Variants in ATXN2 observed in about 807,000 individuals in gnomAD.
ATXN2 encodes ataxin 2, also known as ataxin-2.
Under a neutral mutation model 138.6 loss-of-function variants are expected in ATXN2, and 37 were observed. The observed-to-expected ratio is 0.27, with a 90% CI of 0.21 to 0.35. The LOEUF is 0.35. Ranked by LOEUF, ATXN2 falls within the 10% of genes least tolerant of loss-of-function variation. The pLI is 1.00. For missense variants in ATXN2, 1,216 were observed against 1,480.3 expected (o/e 0.82, Z 2.93); for synonymous variants, 549 against 543.7 (o/e 1.01, Z -0.13).
At chr12:111,483,194 T>TACACACATACACAC in intron 18 of ATXN2, among the ~76,000 whole-genome samples, 1 of 95,432 alleles carries the variant, frequency 1.0e-5, no homozygotes, top group African/African-American at 5.3e-5. Flanking sequence ...ATCAAACACA[T>TACACACATACACAC]ACACACACAC....
At chr12:111,546,945 A>G (rs550413171) in intron 5 of ATXN2, among the ~76,000 whole-genome samples, 1 of 152,370 alleles carries the variant, frequency 6.6e-6, no homozygotes, top group Admixed American at 6.5e-5. Context: ...GTTTCTCAGT[A>G]AATCAAACTG....
At chr12:111,573,200 ATTTATTTT>A (rs1485180647) in intron 1 of ATXN2, among the ~76,000 whole-genome samples, 1 of 151,714 alleles carries the variant, frequency 6.6e-6, no homozygotes, top group African/African-American at 2.4e-5. Flanking sequence ...TTATTTATTT[ATTTATTTT>A]TTGAGACGGA....
chr12:111,575,993 A>C (rs1264818986), intron 1 of ATXN2, among the ~76,000 whole-genome samples: 2 of 152,062 alleles, frequency 1.3e-5, no homozygotes, highest in Admixed American at 1.3e-4. Context: ...AAGACAGGAG[A>C]ATCACTTGAA....
At chr12:111,504,805 C>A (rs1205281968) in intron 14 of ATXN2, among the ~76,000 whole-genome samples, 1 of 152,010 alleles carries the variant, frequency 6.6e-6, no homozygotes, top group Admixed American at 6.6e-5. Context: ...TCTCCTATGA[C>A]CTTTTTTAAT....
intron 1 of ATXN2, among the ~76,000 whole-genome samples, chr12:111,580,905 G>A (rs1217762667): frequency 6.6e-6 from 1 of 152,008 alleles, no homozygotes; most frequent in Non-Finnish European, 1.5e-5. Context: ...CTGGGAGGCC[G>A]AGGCAGGTGG....
At position 111,568,652 on chromosome 12, in the gene ATXN2, A is replaced by T. The variant is rs114882085; in HGVS notation, c.252-12733T>A. Among the ~76,000 whole-genome samples, 1,089 of 152,272 alleles carry T rather than the reference A, an allele frequency of 7.2e-3. 13 individuals are homozygous for T. The highest frequency in any genetic ancestry group is 0.025 in the African/African-American group (1,050 of 41,556). ...CCCCTTTCTTGTTAGTTACCAACTT[A>T]AATGTCACCTCCTGAAAGAAGCCTT... On this transcript the variant is annotated intron_variant, in intron 1 of 24. Coordinates refer to ENST00000673436, the MANE Select transcript of ATXN2 (RefSeq NM_001372574.1).
At position 111,584,377 on chromosome 12, in the gene ATXN2, CAAAAAAAAAAAAA is replaced by C. The variant is rs58678794; in HGVS notation, c.251+14394_251+14406del. 1.1e-3 allele frequency among the ~76,000 whole-genome samples: 48 copies of C among 44,750 alleles called. 1 individual carries two copies. Among genetic ancestry groups the C allele is most frequent in the South Asian group, 4.0e-3 (3 of 750 alleles). The allele number at this position is 44,750 out of a possible 152,430, so 29.4% of individuals were successfully genotyped here. A position where few individuals can be genotyped will look rare whatever the true frequency, so the allele number is the denominator to read the frequency against. Reference sequence around the variant, plus strand: ...AGCCTTGGTGACAGAGACCCTGTCTCAAAAAAAAAAAAAAAAAAAAAAAAAAAAAAAAAATTCA... The same window carrying C: ...AGCCTTGGTGACAGAGACCCTGTCTCAAAAAAAAAAAAAAAAAAAAATTCA... On this transcript the variant is annotated intron_variant, in intron 1 of 24. Coordinates refer to ENST00000673436, the MANE Select transcript of ATXN2 (RefSeq NM_001372574.1).
At chr12:111,556,317 A>C (rs1409144041) in intron 1 of ATXN2, among the ~76,000 whole-genome samples, 1 of 152,116 alleles carries the variant, frequency 6.6e-6, no homozygotes, top group Non-Finnish European at 1.5e-5. Context: ...CTGAGGCTGC[A>C]GTAGGCTACG....
chr12:111,461,383 T>C (rs1037713965), intron 21 of ATXN2: 2 of 151,844 alleles, frequency 1.3e-5, no homozygotes, highest in Non-Finnish European at 2.9e-5. Context: ...GGAAGGAGAA[T>C]AGCTTGAACC....
chr12:111,570,497 T>C (rs545741532), intron 1 of ATXN2, among the ~76,000 whole-genome samples: 23 of 152,336 alleles, frequency 1.5e-4, no homozygotes, highest in Middle Eastern at 6.8e-3. Flanking sequence ...ATGTGTTTCC[T>C]TACTTTCAGT....
At chr12:111,525,159 G>T in intron 6 of ATXN2, 33 bp downstream of exon 6, 1 of 1,593,206 alleles carries the variant, frequency 6.3e-7, no homozygotes, top group Non-Finnish European at 8.5e-7. Context: ...ATACTGACCA[G>T]AGTCTAGCAA....
intron 1 of ATXN2, among the ~76,000 whole-genome samples, chr12:111,573,846 G>A (rs1883475022): frequency 6.7e-6 from 1 of 149,164 alleles, no homozygotes; most frequent in South Asian, 2.1e-4. Flanking sequence ...TCACATCATA[G>A]ATAGCTAAAT....
At chr12:111,576,057 G>A (rs935266011) in intron 1 of ATXN2, among the ~76,000 whole-genome samples, 2 of 150,782 alleles carry the variant, frequency 1.3e-5, no homozygotes, top group Admixed American at 6.7e-5. Context: ...ACTCCAGCCT[G>A]GGCGACAAGA....
intron 1 of ATXN2, among the ~76,000 whole-genome samples, chr12:111,586,860 T>C (rs1884370662): frequency 6.6e-6 from 1 of 152,116 alleles, no homozygotes; most frequent in South Asian, 2.1e-4. Flanking sequence ...TTATTTCTCA[T>C]TGCTGTTAAT....
At chr12:111,531,604 A>C (rs904133717) in intron 5 of ATXN2, among the ~76,000 whole-genome samples, 2 of 152,300 alleles carry the variant, frequency 1.3e-5, no homozygotes, top group South Asian at 2.1e-4. Context: ...ACCATGTATT[A>C]TACAGATTAT....
At position 111,466,003 on chromosome 12, in the gene ATXN2, TA is replaced by T. The variant is rs1875982163; in HGVS notation, c.2843-1289del. On this transcript the variant is annotated intron_variant, in intron 20 of 24. Coordinates refer to ENST00000673436, the MANE Select transcript of ATXN2 (RefSeq NM_001372574.1). ...CAACATGGTGAAACCCTGTCTCTACTAAAAACACAAAAATTAGCCAGGTGTG... is the reference window on the plus strand; with the variant it reads ...CAACATGGTGAAACCCTGTCTCTACTAAAACACAAAAATTAGCCAGGTGTG... Among the ~76,000 whole-genome samples, 3 of 149,224 alleles carry T rather than the reference TA, an allele frequency of 2.0e-5. No homozygotes were observed. The South Asian group carries it at 6.4e-4, about 32-fold the overall frequency.
chr12:111,562,507 G>C (rs1882750963), intron 1 of ATXN2, among the ~76,000 whole-genome samples: 1 of 151,936 alleles, frequency 6.6e-6, no homozygotes, highest in Non-Finnish European at 1.5e-5. Context: ...GATCACCTGA[G>C]GTCGGGAGTT....
chr12:111,520,130 G>A, intron 7 of ATXN2, 54 bp from the exon 8 acceptor site: 3 of 1,576,906 alleles, frequency 1.9e-6, no homozygotes, highest in Non-Finnish European at 1.7e-6. Flanking sequence ...CACAGTTTAT[G>A]TATCTGTCAT....
chr12:111,519,831 C>T (rs1880056882), intron 8 of ATXN2, 48 bp downstream of exon 8: 1 of 1,613,314 alleles, frequency 6.2e-7, no homozygotes, highest in Admixed American at 1.7e-5. Flanking sequence ...CTCACACAGA[C>T]CTTGAGTTGT....
Sources: gnomAD v4.1 joint callset for allele counts (sites outside exome capture counted in the v4.1 genomes callset) on GRCh38, gnomAD v4.1.1 for gene constraint, MANE v1.5 for transcripts, NCBI Gene and HGNC (gene_info 2026-07-23, HGNC 2026-07-21) for gene names.